Variants in GSG1L observed in about 807,000 individuals in gnomAD.
GSG1L encodes germ cell-specific gene 1-like protein.
A neutral mutation model predicts 42.1 loss-of-function variants in GSG1L; 24 were observed. The ratio of observed to expected loss-of-function variants is 0.57; its 90% confidence interval spans 0.41 to 0.80. The LOEUF is 0.80. GSG1L is among the 30% of genes least tolerant of loss of function. The pLI, the probability that GSG1L is intolerant of heterozygous loss-of-function variation, is 0.00. For synonymous variants in GSG1L, 215 were observed against 203.5 expected (o/e 1.06, Z -0.48); for missense variants, 445 against 472.2 (o/e 0.94, Z 0.53).
Position 28,063,046 on chromosome 16 carries a change from C to A in GSG1L, c.349+30G>T. 1 of 1,384,092 alleles carries A rather than the reference C, an allele frequency of 7.2e-7. No homozygotes were observed. 85.7% of individuals were successfully genotyped at this position (1,384,092 alleles called of 1,614,324 possible). A position where few individuals can be genotyped will look rare whatever the true frequency, so the allele number is the denominator to read the frequency against. ...CCGCGCCGCCCCGGGGGAGCCGGAG[C>A]CGAGCTGGCCGCCGCCCGCGCGCAC... On this transcript the variant is annotated intron_variant, in intron 1 of 6. Coordinates refer to ENST00000447459, the MANE Select transcript of GSG1L (RefSeq NM_001109763.2). This position sits in a 1 kb window ranked among gnomAD's most constrained non-coding sequence, Gnocchi z 5.8.
At chr16:27,800,226 C>G (rs758506572) in intron 6 of GSG1L, among the ~76,000 whole-genome samples, 5 of 152,186 alleles carry the variant, frequency 3.3e-5, no homozygotes, top group Non-Finnish European at 5.9e-5. Flanking sequence ...TCGAGCAGGA[C>G]TCTATTGGAT....
At chr16:27,979,172 G>C (rs2085285288) in intron 1 of GSG1L, among the ~76,000 whole-genome samples, 1 of 152,182 alleles carries the variant, frequency 6.6e-6, no homozygotes, top group Non-Finnish European at 1.5e-5. Flanking sequence ...AAACAAGCCA[G>C]GCATGGTGGC....
At chr16:27,945,773 C>A (rs1475661441) in intron 2 of GSG1L, among the ~76,000 whole-genome samples, 2 of 152,258 alleles carry the variant, frequency 1.3e-5, no homozygotes, top group Non-Finnish European at 2.9e-5. Context: ...GTCTCAGGGG[C>A]ATGGGCCTCT....
At chr16:27,918,268 C>G (rs573462122) in intron 2 of GSG1L, among the ~76,000 whole-genome samples, 1 of 152,234 alleles carries the variant, frequency 6.6e-6, no homozygotes, top group South Asian at 2.1e-4. Flanking sequence ...ATAGAAAGAG[C>G]TTGACACCCA....
intron 5 of GSG1L, among the ~76,000 whole-genome samples, chr16:27,812,127 C>G (rs1360143916): frequency 6.6e-6 from 1 of 152,154 alleles, no homozygotes. Context: ...ATCACCCAAG[C>G]CTTGTTGCCC....
At chr16:27,854,252 A>C (rs1326731720) in intron 3 of GSG1L, among the ~76,000 whole-genome samples, 1 of 127,616 alleles carries the variant, frequency 7.8e-6, no homozygotes, top group African/African-American at 2.9e-5. Context: ...GGTGAATAGA[A>C]GGCAAAAGGG....
At chr16:27,977,599 A>G (rs1312385073) in intron 1 of GSG1L, among the ~76,000 whole-genome samples, 4 of 150,240 alleles carry the variant, frequency 2.7e-5, no homozygotes. Flanking sequence ...GCAAGGACAC[A>G]TTCCAGAAGG....
intron 2 of GSG1L, among the ~76,000 whole-genome samples, chr16:27,900,340 C>T (rs928694528): frequency 6.6e-6 from 1 of 152,220 alleles, no homozygotes; most frequent in Non-Finnish European, 1.5e-5. Context: ...ACCATCTCCA[C>T]GTCATGGAGG....
At chr16:27,807,449 A>C in intron 6 of GSG1L, 38 bp downstream of exon 6, 6 of 1,561,044 alleles carry the variant, frequency 3.8e-6, no homozygotes, top group Non-Finnish European at 5.3e-6. Context: ...GCAGCCCATG[A>C]ATCTGTCGTA....
chr16:27,944,245 G>C (rs1383229131), intron 2 of GSG1L, among the ~76,000 whole-genome samples: 6 of 151,978 alleles, frequency 3.9e-5, no homozygotes, highest in Non-Finnish European at 8.8e-5. Flanking sequence ...ATTTTAAAAA[G>C]GTTTTAAAAA....
At chr16:27,936,595 C>G (rs1330166614) in intron 2 of GSG1L, among the ~76,000 whole-genome samples, 1 of 152,156 alleles carries the variant, frequency 6.6e-6, no homozygotes, top group Non-Finnish European at 1.5e-5. Context: ...AACCATGAGC[C>G]AAATAAGCCT....
intron 4 of GSG1L, among the ~76,000 whole-genome samples, chr16:27,836,547 TTATTTTCTCTCTG>T (rs1389900122): frequency 1.3e-5 from 2 of 152,170 alleles, no homozygotes; most frequent in African/African-American, 4.8e-5. Flanking sequence ...TTTTTTAAGT[TTATTTTCTCTCTG>T]TTGTTCAAAT....
chr16:28,025,920 T>C (rs566041857), intron 1 of GSG1L, among the ~76,000 whole-genome samples: 1 of 152,290 alleles, frequency 6.6e-6, no homozygotes, highest in East Asian at 1.9e-4. Flanking sequence ...GATAATGGGC[T>C]TGGGGAAGAC....
chr16:28,009,456 T>C (rs1313933391), intron 1 of GSG1L, among the ~76,000 whole-genome samples: 1 of 152,226 alleles, frequency 6.6e-6, no homozygotes, highest in Non-Finnish European at 1.5e-5. Context: ...TTTGTGTGTG[T>C]GCTCACCTGA....
At chr16:27,839,596 TGTAAGGCAATA>T (rs2083356505) in intron 4 of GSG1L, among the ~76,000 whole-genome samples, 1 of 152,072 alleles carries the variant, frequency 6.6e-6, no homozygotes, top group African/African-American at 2.4e-5. Context: ...CGTGGGTAAA[TGTAAGGCAATA>T]GGGTGTGGTG....
chr16:27,881,525 C>G (rs1445075623), intron 3 of GSG1L, among the ~76,000 whole-genome samples: 1 of 152,098 alleles, frequency 6.6e-6, no homozygotes, highest in Admixed American at 6.6e-5. Flanking sequence ...CAGGCATGAG[C>G]AACCGCACCC....
chr16:27,791,415 T>G lies in GSG1L; in HGVS notation c.951A>C (p.Ala317=). 1 of 1,530,670 alleles carries G rather than the reference T, an allele frequency of 6.5e-7. No homozygotes were observed. The highest frequency in any genetic ancestry group is 8.8e-7 in the Non-Finnish European group (1 of 1,134,754). The allele number at this position is 1,530,670 out of a possible 1,614,324, so 94.8% of individuals were successfully genotyped here. A position where few individuals can be genotyped will look rare whatever the true frequency, so the allele number is the denominator to read the frequency against. Residue 317 remains alanine, a synonymous_variant, in exon 7 of 7, where the codon GCA becomes GCC. Coordinates refer to ENST00000447459, the MANE Select transcript of GSG1L (RefSeq NM_001109763.2). The stretch of plus-strand genomic sequence containing the variant: ...CCCAGCACTGTCGGTTCAGCTCTGG[T>G]GCTTCCTGTGCGGAGCTCCGGGGCC... The part of the protein sequence containing the change: ...DSWPRSSAQE[A]PELNRQCWVL...
intron 1 of GSG1L, among the ~76,000 whole-genome samples, chr16:27,982,298 C>G (rs2085334472): frequency 6.6e-6 from 1 of 152,140 alleles, no homozygotes; most frequent in South Asian, 2.1e-4. Flanking sequence ...CCCAGGAGTT[C>G]AAGGCTGCAG....
At chr16:27,935,366 T>C (rs2141076893) in intron 2 of GSG1L, among the ~76,000 whole-genome samples, 1 of 152,288 alleles carries the variant, frequency 6.6e-6, no homozygotes, top group East Asian at 1.9e-4. Flanking sequence ...TCTGCTTGCG[T>C]TTTTATTTCT....
Sources: gnomAD v4.1 joint callset for allele counts (sites outside exome capture counted in the v4.1 genomes callset) on GRCh38, gnomAD v4.1.1 for gene constraint, Gnocchi (gnomAD v3.1) non-coding constraint, MANE v1.5 for transcripts, NCBI Gene and HGNC (gene_info 2026-07-23, HGNC 2026-07-21) for gene names.